PRKG1: variants seen among roughly 807,000 people sequenced by gnomAD.
PRKG1 encodes the protein protein kinase cGMP-dependent 1.
In PRKG1, 35 loss-of-function variants were observed where a neutral mutation model predicts 88.1. The observed-to-expected ratio is 0.40, with a 90% CI of 0.30 to 0.53. The LOEUF is 0.53. Ranked by LOEUF, PRKG1 falls within the 20% of genes least tolerant of loss-of-function variation. The pLI is 0.59. For synonymous variants in PRKG1, 303 were observed against 292.5 expected, an observed-to-expected ratio of 1.04 and a Z score of -0.37; for missense variants, 540 against 839.8, an observed-to-expected ratio of 0.64 and a Z score of 4.41.
chr10:51,677,371 A>G (rs1202611592), intron 3 of PRKG1, among the ~76,000 whole-genome samples: 1 of 152,090 alleles, frequency 6.6e-6, no homozygotes, highest in Non-Finnish European at 1.5e-5. Context: ...CTCTTAATGC[A>G]TTTTTATTTT....
chr10:51,879,971 C>T (rs868699282), intron 4 of PRKG1, among the ~76,000 whole-genome samples: 7 of 152,332 alleles, frequency 4.6e-5, no homozygotes, highest in African/African-American at 1.4e-4. Context: ...AGCAAGCATC[C>T]TTTACATGGA....
intron 3 of PRKG1, among the ~76,000 whole-genome samples, chr10:51,773,471 T>C (rs780611345): frequency 6.6e-6 from 1 of 152,060 alleles, no homozygotes; most frequent in Admixed American, 6.6e-5. Flanking sequence ...TGTAATTGTA[T>C]CTTTCTGCTT....
intron 1 of PRKG1, among the ~76,000 whole-genome samples, chr10:51,076,776 T>TG (rs1564590503): frequency 1.3e-5 from 2 of 152,204 alleles, no homozygotes; most frequent in Non-Finnish European, 2.9e-5. Flanking sequence ...AAAATAAAGC[T>TG]GGTGTGGCAA....
intron 3 of PRKG1, among the ~76,000 whole-genome samples, chr10:51,750,064 T>A (rs758830921): frequency 1.5e-4 from 22 of 151,724 alleles, no homozygotes; most frequent in Non-Finnish European, 2.5e-4. Context: ...GCCTCCTGAG[T>A]AGCTGGGATT....
chr10:51,016,673 C>CTTTTTTTTTTTT lies in PRKG1; in HGVS notation c.266+25037_266+25048dup, dbSNP rs71029341. Among the ~76,000 whole-genome samples, 163 of 35,182 alleles carry CTTTTTTTTTTTT rather than the reference C, an allele frequency of 4.6e-3. 43 individuals are homozygous for CTTTTTTTTTTTT. Among genetic ancestry groups the CTTTTTTTTTTTT allele is most frequent in the South Asian group, 5.6e-3 (5 of 890 alleles). The allele number at this position is 35,182 out of a possible 152,430, so 23.1% of individuals were successfully genotyped here. ...AGTGAAGAAGGTATTATTATCCTTT[C>CTTTTTTTTTTTT]TTTTTTTTTTTTTTTTTTTGGAATC... is the stretch of plus-strand genomic sequence containing the variant. On this transcript the variant is annotated intron_variant, in intron 1 of 17. Coordinates refer to the PRKG1 transcript ENST00000401604.
chr10:52,009,205 C>T (rs539457323), intron 5 of PRKG1, among the ~76,000 whole-genome samples: 1 of 152,130 alleles, frequency 6.6e-6, no homozygotes, highest in South Asian at 2.1e-4. Context: ...TAAGAGACAT[C>T]CAAATAGAAA....
intron 3 of PRKG1, among the ~76,000 whole-genome samples, chr10:51,558,201 T>C (rs1399650420): frequency 6.6e-6 from 1 of 152,064 alleles, no homozygotes; most frequent in African/African-American, 2.4e-5. Flanking sequence ...TTTTCAATTG[T>C]GTGGGATGTT....
rs117256628 is a variant in PRKG1, at chr10:51,687,199, T to C, written c.593-117386T>C. ...AATTTACAAATGTTGATTTGGTTAA[T>C]TTGTACTCTTAATTATGATTAGGTT... On this transcript the variant is annotated intron_variant, in intron 3 of 17. Coordinates refer to ENST00000373980, the MANE Select transcript of PRKG1 (RefSeq NM_006258.4). Among the ~76,000 whole-genome samples, 7 of 152,376 alleles carry C rather than the reference T, an allele frequency of 4.6e-5. No individual in the cohort carries two copies. In the East Asian group the frequency reaches 1.3e-3, roughly 29 times the overall value.
At chr10:51,805,167 T>G (rs959223818) in intron 4 of PRKG1, among the ~76,000 whole-genome samples, 1 of 152,102 alleles carries the variant, frequency 6.6e-6, no homozygotes, top group African/African-American at 2.4e-5. Context: ...GATGAAAAAG[T>G]TCCAAGAAAT....
intron 4 of PRKG1, among the ~76,000 whole-genome samples, chr10:51,866,623 T>A (rs2132847417): frequency 6.6e-6 from 1 of 152,310 alleles, no homozygotes; most frequent in Middle Eastern, 3.4e-3. Flanking sequence ...GGTAAATTGA[T>A]GTATTTATTT....
chr10:51,268,998 A>C (rs1311737113), intron 2 of PRKG1, among the ~76,000 whole-genome samples: 1 of 152,092 alleles, frequency 6.6e-6, no homozygotes, highest in Non-Finnish European at 1.5e-5. Flanking sequence ...ACAACACAGA[A>C]TCTTCAAGGA....
intron 14 of PRKG1, among the ~76,000 whole-genome samples, chr10:52,285,124 C>A (rs2132454069): frequency 6.6e-6 from 1 of 152,052 alleles, no homozygotes; most frequent in East Asian, 1.9e-4. Flanking sequence ...CTCTTACAAC[C>A]CCAGCCCCCT....
At chr10:52,055,121 G>A (rs948469089) in intron 6 of PRKG1, among the ~76,000 whole-genome samples, 2 of 152,150 alleles carry the variant, frequency 1.3e-5, no homozygotes, top group African/African-American at 2.4e-5. Context: ...GGGTAACAGA[G>A]CAAGACTTTG....
intron 5 of PRKG1, among the ~76,000 whole-genome samples, chr10:51,955,843 G>A (rs543548322): frequency 5.9e-5 from 9 of 152,184 alleles, no homozygotes; most frequent in South Asian, 2.1e-4. Flanking sequence ...GAGTTAAAGC[G>A]AAAGTCTTAG....
intron 2 of PRKG1, among the ~76,000 whole-genome samples, chr10:51,270,956 G>T (rs1839964081): frequency 6.6e-6 from 1 of 152,194 alleles, no homozygotes; most frequent in Non-Finnish European, 1.5e-5. Context: ...TGACTACTTA[G>T]ATCTGAGAAT....
At chr10:51,373,453 G>A (rs1019067236) in intron 2 of PRKG1, among the ~76,000 whole-genome samples, 26 of 152,076 alleles carry the variant, frequency 1.7e-4, no homozygotes, top group Admixed American at 2.6e-4. Flanking sequence ...AATAAAATTA[G>A]TTCCAGGGTA....
chr10:51,217,788 C>A (rs1838410629), intron 2 of PRKG1, among the ~76,000 whole-genome samples: 1 of 152,086 alleles, frequency 6.6e-6, no homozygotes, highest in Non-Finnish European at 1.5e-5. Flanking sequence ...GAATTCAGAT[C>A]TGATTATGGA....
At chr10:51,997,198 C>T (rs141894491) in intron 5 of PRKG1, among the ~76,000 whole-genome samples, 3,456 of 151,972 alleles carry the variant, frequency 0.023, 129 homozygotes, top group African/African-American at 0.078. Context: ...TAAAGCTGGG[C>T]GCGGTGGCTC....
At chr10:52,257,930 G>A (rs972855664) in intron 10 of PRKG1, among the ~76,000 whole-genome samples, 1 of 138,886 alleles carries the variant, frequency 7.2e-6, no homozygotes, top group Non-Finnish European at 1.6e-5. Context: ...GAAATTACAA[G>A]TAGTAAAGCT....
Sources: allele counts gnomAD v4.1 joint callset (sites outside exome capture counted in the v4.1 genomes callset), GRCh38; gene constraint gnomAD v4.1.1; transcripts MANE v1.5; gene names NCBI Gene and HGNC (gene_info 2026-07-23, HGNC 2026-07-21).